Variants in MEF2C observed in about 807,000 individuals in gnomAD.
MEF2C encodes myocyte-specific enhancer factor 2C.
In MEF2C, 6 loss-of-function variants were observed where a neutral mutation model predicts 50.5. The observed-to-expected ratio is 0.12, with a 90% CI of 0.07 to 0.23. MEF2C has a LOEUF of 0.23. Ranked by LOEUF, MEF2C falls within the 10% of genes least tolerant of loss-of-function variation. The pLI, the probability that MEF2C is intolerant of heterozygous loss-of-function variation, is 1.00. For synonymous variants in MEF2C, 183 were observed against 228.0 expected (o/e 0.80, Z 1.78); for missense variants, 276 against 605.0 (o/e 0.46, Z 5.70).
chr5:88,880,074 C>T (rs766732526), intron 1 of MEF2C, among the ~76,000 whole-genome samples: 2 of 151,972 alleles, frequency 1.3e-5, no homozygotes, highest in Non-Finnish European at 2.9e-5. Context: ...GATTAAGGTA[C>T]AGTGCTAAGG....
chr5:88,810,817 T>C, intron 2 of MEF2C, among the ~76,000 whole-genome samples: 1 of 152,120 alleles, frequency 6.6e-6, no homozygotes, highest in Non-Finnish European at 1.5e-5. Flanking sequence ...TTATCAGATC[T>C]GCATGCAACG....
In MEF2C at chr5:88,749,363, T is replaced by C. The variant is rs1039629006; in HGVS notation, c.590-246A>G. 3.0e-6 allele frequency: 3 copies of C among 984,630 alleles called. No individual in the cohort carries two copies. In the African/African-American group the frequency reaches 5.2e-5, roughly 17 times the overall value. The allele number at this position is 984,630 out of a possible 1,614,324, so 61.0% of individuals were successfully genotyped here. A position where few individuals can be genotyped will look rare whatever the true frequency, so the allele number is the denominator to read the frequency against. ...GAAAGTTACATTTAAAAAAATCCAG[T>C]CTTTGGTCTCTGCATTTTTATTATT... On this transcript the variant is annotated intron_variant, in intron 5 of 10. Coordinates refer to ENST00000504921, the MANE Select transcript of MEF2C (RefSeq NM_002397.5).
chr5:88,749,311 T>C (rs966391736), intron 5 of MEF2C, 194 bp from the exon 6 acceptor site: 5 of 974,646 alleles, frequency 5.1e-6, no homozygotes, highest in Non-Finnish European at 6.1e-6. Context: ...ATTCAATCAC[T>C]GACATTTTGC....
chr5:88,731,900 C>A lies in MEF2C; in HGVS notation c.639G>T (p.Gly213=). 1 of 1,605,012 alleles carries A rather than the reference C, an allele frequency of 6.2e-7. No individual in the cohort carries two copies. The highest frequency in any genetic ancestry group is 1.1e-5 in the South Asian group (1 of 89,866). ...DLTSGAGTSA[G]NGYGNPRNSP... is the part of the protein sequence containing the mutation. Reference sequence around the variant, plus strand: ...AGTTTCGGGGATTGCCATACCCGTTCCCTGTTAACAAAAAACAATAAAGCA... The same window carrying A: ...AGTTTCGGGGATTGCCATACCCGTTACCTGTTAACAAAAAACAATAAAGCA... The change falls in exon 7 of 11, where the codon GGG becomes GGT. Residue 213 remains glycine, a splice_region_variant and synonymous_variant. Coordinates refer to ENST00000504921, the MANE Select transcript of MEF2C (RefSeq NM_002397.5).
chr5:88,861,125 C>A (rs796183842), intron 1 of MEF2C, among the ~76,000 whole-genome samples: 3 of 152,350 alleles, frequency 2.0e-5, no homozygotes, highest in African/African-American at 4.8e-5. Flanking sequence ...AATTCTACAG[C>A]TAGAATGGAA....
chr5:88,741,861 A>C, intron 6 of MEF2C: 1 of 985,370 alleles, frequency 1.0e-6, no homozygotes, highest in South Asian at 4.7e-5. Flanking sequence ...ATAAATAAAC[A>C]CAGTGAACAC....
intron 3 of MEF2C, among the ~76,000 whole-genome samples, chr5:88,769,258 T>C (rs1229313323): frequency 6.6e-6 from 1 of 152,214 alleles, no homozygotes; most frequent in Non-Finnish European, 1.5e-5. Flanking sequence ...CATTCTTGGA[T>C]GCTAGTCTAC....
At chr5:88,845,153 T>C (rs193128149) in intron 1 of MEF2C, among the ~76,000 whole-genome samples, 77 of 152,350 alleles carry the variant, frequency 5.1e-4, no homozygotes, top group Admixed American at 1.3e-4. Context: ...CATGTAAAAG[T>C]TGAAGCCAGA....
intron 6 of MEF2C, among the ~76,000 whole-genome samples, chr5:88,744,605 C>T (rs1768455826): frequency 6.6e-6 from 1 of 152,164 alleles, no homozygotes. Flanking sequence ...AAAGCAGTGA[C>T]TTTTCATTTA....
intron 4 of MEF2C, among the ~76,000 whole-genome samples, chr5:88,754,988 A>G (rs1475436401): frequency 1.3e-5 from 2 of 152,110 alleles, no homozygotes; most frequent in Non-Finnish European, 2.9e-5. Context: ...TTCTCTTGGA[A>G]GCCCACGCTG....
chr5:88,745,317 A>G (rs1191801528), intron 6 of MEF2C, among the ~76,000 whole-genome samples: 1 of 152,264 alleles, frequency 6.6e-6, no homozygotes, highest in Non-Finnish European at 1.5e-5. Flanking sequence ...ACAGGCTACT[A>G]TGTAAGCACA....
At chr5:88,815,652 A>G (rs1804977954) in intron 2 of MEF2C, among the ~76,000 whole-genome samples, 1 of 152,108 alleles carries the variant, frequency 6.6e-6, no homozygotes, top group African/African-American at 2.4e-5. Context: ...CTCAGAAAAA[A>G]TAAGTTTCCA....
intron 3 of MEF2C, among the ~76,000 whole-genome samples, chr5:88,768,957 T>C (rs1005803616): frequency 9.9e-5 from 15 of 152,168 alleles, no homozygotes; most frequent in African/African-American, 3.6e-4. Flanking sequence ...GGGGTACTAG[T>C]CTAAATAGAC....
At chr5:88,843,580 G>A (rs904464419) in intron 1 of MEF2C, 2 of 503,150 alleles carry the variant, frequency 4.0e-6, no homozygotes, top group African/African-American at 4.2e-5. Flanking sequence ...AACAAAGTGA[G>A]AGGTGTTAAC....
At chr5:88,872,910 G>T (rs569786896) in intron 1 of MEF2C, among the ~76,000 whole-genome samples, 2 of 152,096 alleles carry the variant, frequency 1.3e-5, no homozygotes, top group African/African-American at 2.4e-5. Flanking sequence ...TAGAATCAAA[G>T]AAATGATATT....
intron 2 of MEF2C, among the ~76,000 whole-genome samples, chr5:88,821,406 C>T (rs1372358952): frequency 1.3e-5 from 2 of 151,846 alleles, no homozygotes; most frequent in African/African-American, 4.8e-5. Context: ...AGGTGCATGC[C>T]ACTACCACAC....
chr5:88,835,103 T>A (rs1394202844), intron 1 of MEF2C, among the ~76,000 whole-genome samples: 1 of 152,226 alleles, frequency 6.6e-6, no homozygotes, highest in East Asian at 1.9e-4. Context: ...GGCCACTGGT[T>A]GAAACACCTC....
chr5:88,799,885 C>T (rs905189588), intron 3 of MEF2C, among the ~76,000 whole-genome samples: 17 of 90,272 alleles, frequency 1.9e-4, no homozygotes, highest in South Asian at 8.1e-4. Flanking sequence ...CACACACACA[C>T]ACACACACAC....
chr5:88,727,587 T>C (rs1470425041), intron 10 of MEF2C, among the ~76,000 whole-genome samples: 1 of 152,178 alleles, frequency 6.6e-6, no homozygotes, highest in African/African-American at 2.4e-5. Flanking sequence ...GCTAAGTGAT[T>C]AACGATAACA....
Sources: allele counts gnomAD v4.1 joint callset (sites outside exome capture counted in the v4.1 genomes callset), GRCh38; gene constraint gnomAD v4.1.1; transcripts MANE v1.5; gene names NCBI Gene and HGNC (gene_info 2026-07-23, HGNC 2026-07-21).